Variants in MORC2 observed in about 807,000 individuals in gnomAD.
MORC2 encodes the protein ATPase MORC2.
A neutral mutation model predicts 136.0 loss-of-function variants in MORC2; 30 were observed. The observed-to-expected ratio is 0.22, with a 90% CI of 0.17 to 0.30. The LOEUF is 0.30. Among genes scored for constraint, MORC2 ranks in the 10% least tolerant of loss-of-function variants. The probability of loss-of-function intolerance (pLI) is 1.00; values close to 1 mark genes in which losing one functional copy is unlikely to be tolerated. For missense variants in MORC2, 922 were observed against 1,333.1 expected, an observed-to-expected ratio of 0.69 and a Z score of 4.80; for synonymous variants, 439 against 487.0, an observed-to-expected ratio of 0.90 and a Z score of 1.30.
At chr22:30,939,803 G>A (rs1569193514) in intron 11 of MORC2, 97 bp from the exon 12 acceptor site, 15 of 1,387,934 alleles carry the variant, frequency 1.1e-5, no homozygotes, top group Non-Finnish European at 1.4e-5. Flanking sequence ...TTATCTCAAA[G>A]ATGTAAAACC....
intron 5 of MORC2, among the ~76,000 whole-genome samples, chr22:30,948,805 T>C (rs1461021945): frequency 3.3e-5 from 5 of 152,212 alleles, no homozygotes; most frequent in Non-Finnish European, 7.3e-5. Context: ...TCATGAGGAT[T>C]AAATGAGATT....
intron 1 of MORC2, among the ~76,000 whole-genome samples, chr22:30,962,123 G>A (rs577714821): frequency 1.1e-4 from 17 of 151,798 alleles, no homozygotes; most frequent in African/African-American, 3.4e-4. Context: ...GCTTGAACCC[G>A]GGAGGTAGAG....
In MORC2 at chr22:30,938,133, C is replaced by G; in HGVS notation, c.1146G>C (p.Met382Ile). 1 of 1,614,146 alleles carries G rather than the reference C, an allele frequency of 6.2e-7. No homozygotes were observed. The highest frequency in any genetic ancestry group is 1.1e-5 in the South Asian group (1 of 91,080). ...TCAGTCGGCTACAGTTGTAGATGAACATGCCATCCAGATCCCGGTGTTCAA... is the reference window on the plus strand; with the variant it reads ...TCAGTCGGCTACAGTTGTAGATGAAGATGCCATCCAGATCCCGGTGTTCAA... ...VNIEHRDLDG[M>I]FIYNCSRLIK... Residue 382 changes from methionine (M) to isoleucine (I), a missense_variant, in exon 13 of 26, where the codon ATG becomes ATC. Coordinates refer to ENST00000397641, the MANE Select transcript of MORC2 (RefSeq NM_001303256.3).
In MORC2 at chr22:30,935,118, G is replaced by A; in HGVS notation, c.1856C>T (p.Pro619Leu). 6.2e-7 allele frequency: 1 copy of A among 1,613,732 alleles called. No homozygotes were observed. Among genetic ancestry groups the A allele is most frequent in the Non-Finnish European group, 8.5e-7 (1 of 1,179,854 alleles). ...GCTGGGGGCGTTCCTGATCACAGCA[G>A]GTAAAGGGGGCGACCGAGGACGCTG... ...RPQRPRSPPL[P>L]AVIRNAPSRP... Residue 619 changes from proline to leucine, a missense_variant, in exon 19 of 26, where the codon CCT (proline) becomes CTT (leucine). By Grantham distance (98) the Pro-to-Leu change is moderately conservative. Coordinates refer to ENST00000397641, the MANE Select transcript of MORC2 (RefSeq NM_001303256.3).
chr22:30,966,516 T>C (rs1460435428), intron 1 of MORC2, among the ~76,000 whole-genome samples: 1 of 152,192 alleles, frequency 6.6e-6, no homozygotes. Flanking sequence ...GGCTCATGCC[T>C]GTAATCCCAG....
chr22:30,942,147 A>G lies in MORC2; in HGVS notation c.551T>C (p.Val184Ala). 1 of 1,614,066 alleles carries G rather than the reference A, an allele frequency of 6.2e-7. No homozygotes were observed. The highest frequency in any genetic ancestry group is 2.2e-5 in the East Asian group (1 of 44,874). ...AGGAATCTTCATAAACTGGGTCATC[A>G]CTTCCTCCTCAGTGCGGAATGGAGA... ...KYSPFRTEEE[V>A]MTQFMKIPGD... The change falls in exon 7 of 26, where the codon GTG (valine) becomes GCG (alanine). Residue 184 changes from valine to alanine, a missense_variant. Val to Ala is a moderately conservative substitution (Grantham distance 64). This residue lies in a region of MORC2 where 261 missense variants were observed against 354.3 expected (regional missense o/e 0.74). Coordinates refer to ENST00000397641, the MANE Select transcript of MORC2 (RefSeq NM_001303256.3).
chr22:30,951,881 C>T (rs902978921), intron 3 of MORC2, among the ~76,000 whole-genome samples: 1 of 151,826 alleles, frequency 6.6e-6, no homozygotes, highest in Admixed American at 6.6e-5. Flanking sequence ...TCTCGGCTCA[C>T]TGCAACCTCT....
Position 30,934,285 on chromosome 22 carries a change from G to A in MORC2, c.2194-94C>T. 3.9e-6 allele frequency: 6 copies of A among 1,536,560 alleles called. No individual in the cohort carries two copies. Among genetic ancestry groups the A allele is most frequent in the Non-Finnish European group, 4.4e-6 (5 of 1,130,820 alleles). ...TAGCCTAAAGGAGTCGTTCCAAGAG[G>A]AGCTGTACTCCCTGCAATCCCTGCC... On this transcript the variant is annotated intron_variant, in intron 19 of 25. Transcript: ENST00000397641. This position sits in a 1 kb window ranked among gnomAD's most constrained non-coding sequence, Gnocchi z 4.4.
At chr22:30,929,315 G>C (rs1485813569) in intron 24 of MORC2, among the ~76,000 whole-genome samples, 1 of 152,108 alleles carries the variant, frequency 6.6e-6, no homozygotes, top group African/African-American at 2.4e-5. Flanking sequence ...TGTTACATTA[G>C]TTTTTTTGAA....
intron 1 of MORC2, among the ~76,000 whole-genome samples, chr22:30,961,894 C>A (rs1390516957): frequency 6.6e-6 from 1 of 152,088 alleles, no homozygotes; most frequent in Non-Finnish European, 1.5e-5. Context: ...AAAGCACCTG[C>A]CACACAGTGC....
In MORC2 at chr22:30,934,694, C is replaced by G. The variant is rs1373685098; in HGVS notation, c.2193+87G>C. 21 of 1,518,958 alleles carry G rather than the reference C, an allele frequency of 1.4e-5. No homozygotes were observed. The highest frequency in any genetic ancestry group is 1.8e-5 in the Non-Finnish European group (20 of 1,120,460). 94.1% of individuals were successfully genotyped at this position (1,518,958 alleles called of 1,614,324 possible). On this transcript the variant is annotated intron_variant, in intron 19 of 25. Transcript: ENST00000397641. The surrounding 1 kb of genome is among the most constrained non-coding windows in gnomAD (Gnocchi z 4.4). ...CTTTAGATTCAGTATCTTCCGAAGGCTCCCCCAGTACAGCTGTGACACTGC... is the reference window on the plus strand; with the variant it reads ...CTTTAGATTCAGTATCTTCCGAAGGGTCCCCCAGTACAGCTGTGACACTGC...
chr22:30,953,376 C>T (rs529608544), intron 3 of MORC2, among the ~76,000 whole-genome samples: 45 of 152,300 alleles, frequency 3.0e-4, no homozygotes, highest in African/African-American at 1.1e-3. Context: ...ACTGTCAAAG[C>T]CAATCTGAAA....
In MORC2 at chr22:30,941,778, C is replaced by T. The variant is rs1211988112; in HGVS notation, c.698+113G>A. ...GCAACTGAGCTGGCCCTACATACTA[C>T]CCTACCACAGAACACTGGGCAATGA... On this transcript the variant is annotated intron_variant, in intron 8 of 25. Coordinates refer to ENST00000397641, the MANE Select transcript of MORC2 (RefSeq NM_001303256.3). The surrounding 1 kb of genome is among the most constrained non-coding windows in gnomAD (Gnocchi z 4.6). 1.7e-6 allele frequency: 2 copies of T among 1,176,454 alleles called. No homozygotes were observed. The highest frequency in any genetic ancestry group is 1.5e-5 in the African/African-American group (1 of 66,532). The allele number at this position is 1,176,454 out of a possible 1,614,324, so 72.9% of individuals were successfully genotyped here.
chr22:30,967,671 A>G, intron 1 of MORC2, 151 bp downstream of exon 1: 11 of 1,442,122 alleles, frequency 7.6e-6, no homozygotes, highest in Non-Finnish European at 1.0e-5. Context: ...TCAGTTCTTC[A>G]ATACAGAGCT....
At chr22:30,962,220 A>G (rs982127806) in intron 1 of MORC2, among the ~76,000 whole-genome samples, 3 of 151,184 alleles carry the variant, frequency 2.0e-5, no homozygotes, top group Non-Finnish European at 4.4e-5. Context: ...AAAAAAAAAA[A>G]GAAAGAAAGA....
intron 6 of MORC2, among the ~76,000 whole-genome samples, chr22:30,942,873 C>T (rs538647196): frequency 5.9e-5 from 9 of 152,196 alleles, no homozygotes; most frequent in East Asian, 3.9e-4. Flanking sequence ...GGCGTGGCAG[C>T]GTGCGTCTGT....
In MORC2 at chr22:30,938,054, G is replaced by A. The variant is rs1306791557; in HGVS notation, c.1214+11C>T. 1.2e-6 allele frequency: 2 copies of A among 1,614,058 alleles called. No homozygotes were observed. The highest frequency in any genetic ancestry group is 2.2e-5 in the East Asian group (1 of 44,868). On this transcript the variant is annotated intron_variant, in intron 13 of 25. Transcript: ENST00000397641. ...TCCTGGGCTAGACAGCTCTCTGTGG[G>A]TAGTACTCACATGCCCCCTTCCAGC... is the stretch of plus-strand genomic sequence containing the variant.
intron 24 of MORC2, among the ~76,000 whole-genome samples, chr22:30,928,844 G>A (rs1275636084): frequency 1.7e-4 from 26 of 152,176 alleles, no homozygotes; most frequent in Admixed American, 1.7e-3. Flanking sequence ...ATCTCAGTGT[G>A]AAAAACAATG....
intron 24 of MORC2, among the ~76,000 whole-genome samples, 185 bp from the exon 25 acceptor site, chr22:30,928,392 TG>T (rs1302823610): frequency 3.3e-5 from 5 of 152,158 alleles, no homozygotes; most frequent in African/African-American, 1.2e-4. Context: ...GCCTATCTTG[TG>T]GGGCTGCCAC....
Sources: gnomAD v4.1 joint callset for allele counts (sites outside exome capture counted in the v4.1 genomes callset) on GRCh38, gnomAD v4.1.1 for gene constraint, gnomAD v4.1.1 regional missense constraint, Gnocchi (gnomAD v3.1) non-coding constraint, MANE v1.5 for transcripts, NCBI Gene and HGNC (gene_info 2026-07-23, HGNC 2026-07-21) for gene names.